The following LMBR1 variants were observed in gnomAD, a reference collection of about 807,000 sequenced individuals.
LMBR1 encodes the protein limb region 1 protein homolog.
In LMBR1, 52 loss-of-function variants were observed where a neutral mutation model predicts 73.9. The observed-to-expected ratio is 0.70, with a 90% confidence interval of 0.56 to 0.89. The LOEUF (loss-of-function observed/expected upper bound fraction) is 0.89, where lower values mean the gene tolerates loss of function less well. Among genes scored for constraint, LMBR1 ranks in the 40% least tolerant of loss-of-function variants. The pLI is 0.00. For missense variants in LMBR1, 539 were observed against 579.8 expected (o/e 0.93, Z 0.72); for synonymous variants, 215 against 209.4 (o/e 1.03, Z -0.23).
intron 9 of LMBR1, among the ~76,000 whole-genome samples, chr7:156,747,562 T>C (rs73166116): frequency 0.042 from 6,387 of 152,228 alleles, 184 homozygotes; most frequent in Non-Finnish European, 0.049. Context: ...TTCAAATAAT[T>C]GATGAAATAC....
At chr7:156,700,180 T>G (rs931084309) in intron 15 of LMBR1, among the ~76,000 whole-genome samples, 1 of 152,198 alleles carries the variant, frequency 6.6e-6, no homozygotes, top group African/African-American at 2.4e-5. Flanking sequence ...TAAGAAAATG[T>G]GGCACATATA....
At position 156,763,174 on chromosome 7, in the gene LMBR1, G is replaced by A; in HGVS notation, c.553C>T (p.Leu185Phe). 1 of 1,296,398 alleles carries A rather than the reference G, an allele frequency of 7.7e-7. No homozygotes were observed. The highest frequency in any genetic ancestry group is 1.1e-6 in the Non-Finnish European group (1 of 924,808). The allele number at this position is 1,296,398 out of a possible 1,614,324, so 80.3% of individuals were successfully genotyped here. A position where few individuals can be genotyped will look rare whatever the true frequency, so the allele number is the denominator to read the frequency against. The change falls in exon 7 of 17, where the codon CTC (leucine) becomes TTC (phenylalanine). Residue 185 changes from leucine (L) to phenylalanine (F), a missense_variant and splice_region_variant. Leu to Phe is a conservative substitution (Grantham distance 22). Transcript: ENST00000353442. ...DAASMESLYDLWEFYLPYLYS... is the reference protein window; with the variant it reads ...DAASMESLYDFWEFYLPYLYS... ...AAATAGGGTAGATAGAACTCCCAGAGATCTATTAAAAAAAAGTAAATATAT... is the reference window on the plus strand; with the variant it reads ...AAATAGGGTAGATAGAACTCCCAGAAATCTATTAAAAAAAAGTAAATATAT...
intron 1 of LMBR1, among the ~76,000 whole-genome samples, chr7:156,866,504 G>A (rs1798477631): frequency 6.6e-6 from 1 of 151,050 alleles, no homozygotes; most frequent in South Asian, 2.1e-4. Context: ...AAATCCATGA[G>A]GAATTTCTTG....
intron 5 of LMBR1, among the ~76,000 whole-genome samples, chr7:156,767,208 G>T (rs1201452191): frequency 6.6e-6 from 1 of 152,114 alleles, no homozygotes; most frequent in Non-Finnish European, 1.5e-5. Flanking sequence ...TTAGGAAGCA[G>T]ACGGACTCAA....
intron 1 of LMBR1, among the ~76,000 whole-genome samples, chr7:156,874,344 G>T (rs995175577): frequency 6.6e-6 from 1 of 152,210 alleles, no homozygotes; most frequent in Admixed American, 6.5e-5. Flanking sequence ...CAGCTGGCCC[G>T]CAAGCGCCAC....
At chr7:156,861,069 G>A (rs1797652999) in intron 1 of LMBR1, among the ~76,000 whole-genome samples, 1 of 152,250 alleles carries the variant, frequency 6.6e-6, no homozygotes, top group Admixed American at 6.5e-5. Flanking sequence ...TAGTAACTCT[G>A]TGTGGTGGCT....
chr7:156,852,653 G>A (rs910590937), intron 1 of LMBR1, among the ~76,000 whole-genome samples: 2 of 152,158 alleles, frequency 1.3e-5, no homozygotes, highest in Non-Finnish European at 2.9e-5. Context: ...ATTCTCAACT[G>A]AGGGTGACAA....
chr7:156,732,882 G>T (rs1013787456), intron 10 of LMBR1, among the ~76,000 whole-genome samples: 4 of 152,236 alleles, frequency 2.6e-5, no homozygotes, highest in African/African-American at 9.6e-5. Flanking sequence ...CGTGGCTCAT[G>T]CCTGTAATCC....
At chr7:156,700,662 A>T (rs1465067093) in intron 15 of LMBR1, among the ~76,000 whole-genome samples, 2 of 152,160 alleles carry the variant, frequency 1.3e-5, no homozygotes, top group Non-Finnish European at 2.9e-5. Context: ...ATTTTGGGCA[A>T]AGCCATTCAA....
Position 156,892,088 on chromosome 7 carries a change from C to T in LMBR1, c.66+840G>A, listed in dbSNP as rs547459785. Among the ~76,000 whole-genome samples the T allele has an allele frequency of 1.3e-4, 20 of 152,312 alleles. 1 individual carries two copies. Among genetic ancestry groups the T allele is most frequent in the Admixed American group, 1.2e-3 (19 of 15,304 alleles). ...CTAGAGCATCATGAAAAGATAAAAACATCAAAGTAGACTTTCCAAGGTCAA... is the reference window on the plus strand; with the variant it reads ...CTAGAGCATCATGAAAAGATAAAAATATCAAAGTAGACTTTCCAAGGTCAA... On this transcript the variant is annotated intron_variant, in intron 1 of 16. Coordinates refer to ENST00000353442, the MANE Select transcript of LMBR1 (RefSeq NM_022458.4).
At chr7:156,761,904 G>T (rs1386815342) in intron 8 of LMBR1, among the ~76,000 whole-genome samples, 1 of 149,816 alleles carries the variant, frequency 6.7e-6, no homozygotes, top group Non-Finnish European at 1.5e-5. Context: ...GTGAACCCAG[G>T]GGGCGGAGCC....
intron 1 of LMBR1, among the ~76,000 whole-genome samples, chr7:156,884,304 C>A (rs991093491): frequency 9.9e-5 from 15 of 151,952 alleles, no homozygotes; most frequent in African/African-American, 3.4e-4. Flanking sequence ...TGCTGAACAT[C>A]AACAATTTCA....
downstream of LMBR1, among the ~76,000 whole-genome samples, chr7:156,673,165 C>G (rs1171485526): frequency 6.6e-6 from 1 of 152,164 alleles, no homozygotes; most frequent in Non-Finnish European, 1.5e-5. Flanking sequence ...TCAGAACATA[C>G]CTCACAAGTT....
chr7:156,798,990 G>A (rs1422788731), intron 4 of LMBR1, among the ~76,000 whole-genome samples: 4 of 150,850 alleles, frequency 2.7e-5, no homozygotes, highest in Non-Finnish European at 4.4e-5. Context: ...TCAGGAGTTC[G>A]AGACCAGCCT....
chr7:156,810,843 C>T (rs1418254108), intron 4 of LMBR1, among the ~76,000 whole-genome samples: 1 of 151,880 alleles, frequency 6.6e-6, no homozygotes, highest in Non-Finnish European at 1.5e-5. Flanking sequence ...GAGTGTTGCT[C>T]TGTCACCCAG....
chr7:156,801,318 A>C (rs552987900), intron 4 of LMBR1, among the ~76,000 whole-genome samples: 1 of 152,374 alleles, frequency 6.6e-6, no homozygotes, highest in African/African-American at 2.4e-5. Context: ...CTAAAGGCTC[A>C]GATAATTGTT....
chr7:156,878,559 A>G (rs1800571726), intron 1 of LMBR1, among the ~76,000 whole-genome samples: 1 of 152,252 alleles, frequency 6.6e-6, no homozygotes, highest in South Asian at 2.1e-4. Context: ...CATAGATGAC[A>G]CAAACAAATG....
intron 3 of LMBR1, among the ~76,000 whole-genome samples, chr7:156,832,032 A>G (rs1280060692): frequency 2.0e-5 from 3 of 152,232 alleles, no homozygotes; most frequent in Admixed American, 2.0e-4. Context: ...GAAAAAAATG[A>G]TTCACTTAAT....
intron 4 of LMBR1, among the ~76,000 whole-genome samples, chr7:156,798,934 C>T (rs899266645): frequency 1.3e-5 from 2 of 151,910 alleles, no homozygotes; most frequent in Non-Finnish European, 1.5e-5. Context: ...TGGCTCATAC[C>T]TGTAATCCCA....
Sources: gnomAD v4.1 joint callset for allele counts (sites outside exome capture counted in the v4.1 genomes callset) on GRCh38, gnomAD v4.1.1 for gene constraint, MANE v1.5 for transcripts, NCBI Gene and HGNC (gene_info 2026-07-23, HGNC 2026-07-21) for gene names.